Variants in BZW2 observed in about 807,000 individuals in gnomAD.
BZW2 encodes the protein eIF5-mimic protein 1.
In BZW2, 23 loss-of-function variants were observed where a neutral mutation model predicts 53.2. That is an observed-to-expected ratio of 0.43 (90% CI 0.31 to 0.61). The LOEUF is 0.61. BZW2 is among the 20% of genes least tolerant of loss of function. The pLI, the probability that BZW2 is intolerant of heterozygous loss-of-function variation, is 0.09. For missense variants in BZW2, 409 were observed against 503.1 expected, an observed-to-expected ratio of 0.81 and a Z score of 1.79; for synonymous variants, 227 against 186.4, an observed-to-expected ratio of 1.22 and a Z score of -1.77.
intron 3 of BZW2, among the ~76,000 whole-genome samples, chr7:16,680,634 G>T (rs747769436): frequency 1.3e-5 from 2 of 151,636 alleles, no homozygotes; most frequent in African/African-American, 2.4e-5. Flanking sequence ...GGAAAACCCT[G>T]TATCTACAAA....
At chr7:16,697,819 T>C (rs952388329) in intron 9 of BZW2, among the ~76,000 whole-genome samples, 2 of 152,186 alleles carry the variant, frequency 1.3e-5, no homozygotes, top group African/African-American at 4.8e-5. Context: ...GGCTCTGCCA[T>C]TGAAAAAATG....
intron 1 of BZW2, among the ~76,000 whole-genome samples, chr7:16,646,910 A>G (rs1391112407): frequency 4.6e-5 from 7 of 152,154 alleles, no homozygotes; most frequent in Non-Finnish European, 8.8e-5. Context: ...TTGCTCTGCT[A>G]GAGTTCTCGG....
At chr7:16,678,335 A>G (rs1782830962) in intron 3 of BZW2, among the ~76,000 whole-genome samples, 1 of 151,798 alleles carries the variant, frequency 6.6e-6, no homozygotes, top group Non-Finnish European at 1.5e-5. Flanking sequence ...ATGGGCCACC[A>G]CGCCCGGCCC....
chr7:16,668,810 C>T (rs1052935244), intron 2 of BZW2, among the ~76,000 whole-genome samples: 1 of 152,192 alleles, frequency 6.6e-6, no homozygotes, highest in Non-Finnish European at 1.5e-5. Flanking sequence ...TGGCAGGACA[C>T]ATTATATAAT....
intron 2 of BZW2, among the ~76,000 whole-genome samples, chr7:16,668,110 T>C (rs1024557473): frequency 5.3e-5 from 8 of 152,236 alleles, no homozygotes; most frequent in Admixed American, 5.2e-4. Context: ...CACAGAAACG[T>C]TGGCTATTGC....
chr7:16,651,554 G>C (rs1361961446), intron 1 of BZW2, among the ~76,000 whole-genome samples: 1 of 152,230 alleles, frequency 6.6e-6, no homozygotes, highest in African/African-American at 2.4e-5. Context: ...AGAACCCCTA[G>C]TTGTCGGTGC....
intron 2 of BZW2, among the ~76,000 whole-genome samples, chr7:16,670,845 T>C (rs1157350555): frequency 1.3e-5 from 2 of 152,230 alleles, no homozygotes; most frequent in Non-Finnish European, 1.5e-5. Context: ...AAAAGGACTT[T>C]TTATCTCTTG....
intron 1 of BZW2, among the ~76,000 whole-genome samples, chr7:16,658,134 C>T (rs1400257622): frequency 6.6e-6 from 1 of 152,088 alleles, no homozygotes; most frequent in African/African-American, 2.4e-5. Flanking sequence ...GATAACCCAT[C>T]TGGGGAAAGT....
chr7:16,676,760 G>A (rs1048132783), intron 3 of BZW2, among the ~76,000 whole-genome samples: 4 of 152,072 alleles, frequency 2.6e-5, no homozygotes, highest in Non-Finnish European at 5.9e-5. Context: ...GCGAGTTTTG[G>A]TTCTTGCCAA....
At chr7:16,668,439 G>A (rs1252912187) in intron 2 of BZW2, among the ~76,000 whole-genome samples, 2 of 152,222 alleles carry the variant, frequency 1.3e-5, no homozygotes, top group Non-Finnish European at 2.9e-5. Flanking sequence ...CATATCTCTT[G>A]GGGATTGAAG....
At chr7:16,697,377 A>T (rs35618693) in intron 9 of BZW2, among the ~76,000 whole-genome samples, 14,079 of 152,246 alleles carry the variant, frequency 0.092, 887 homozygotes, top group Middle Eastern at 0.23. Flanking sequence ...GGCATGAGCC[A>T]CCACGCCGGG....
At chr7:16,694,560 G>A (rs897214010) in intron 7 of BZW2, among the ~76,000 whole-genome samples, 1 of 152,108 alleles carries the variant, frequency 6.6e-6, no homozygotes, top group Non-Finnish European at 1.5e-5. Context: ...TTATAATCCA[G>A]TAACTCTTTA....
In BZW2 at chr7:16,646,306, T is replaced by A; in HGVS notation, c.-8+18T>A. On this transcript the variant is annotated intron_variant, in intron 1 of 11. Coordinates refer to ENST00000258761, the MANE Select transcript of BZW2 (RefSeq NM_014038.3). ...TCGGACAGGTGAGAAGCAGCCCAGGTGAGGCAAGGGGCGCCGTGAGGGTTG... is the reference window on the plus strand; with the variant it reads ...TCGGACAGGTGAGAAGCAGCCCAGGAGAGGCAAGGGGCGCCGTGAGGGTTG... 1 of 203,590 alleles carries A rather than the reference T, an allele frequency of 4.9e-6. No homozygotes were observed. Among genetic ancestry groups the A allele is most frequent in the Non-Finnish European group, 1.1e-5 (1 of 93,818 alleles). 12.6% of individuals were successfully genotyped at this position (203,590 alleles called of 1,614,324 possible). A position where few individuals can be genotyped will look rare whatever the true frequency, so the allele number is the denominator to read the frequency against.
In BZW2 at chr7:16,685,705, T is replaced by C. The variant is rs188079217; in HGVS notation, c.406-200T>C. 1.1e-4 allele frequency among the ~76,000 whole-genome samples: 17 copies of C among 152,256 alleles called. No individual in the cohort carries two copies. The East Asian group carries it at 3.1e-3, about 28-fold the overall frequency. On this transcript the variant is annotated intron_variant, in intron 5 of 11. Transcript: ENST00000258761. ...AAATTAACTGAGAAGAAAGGAACTC[T>C]GCCTGCTCAAGTCACTTTCCACAGC...
chr7:16,705,258 G>A (rs10264651), intron 11 of BZW2, among the ~76,000 whole-genome samples: 2 of 151,406 alleles, frequency 1.3e-5, no homozygotes, highest in South Asian at 4.2e-4. Flanking sequence ...ACTCGGGAGG[G>A]TGAGGCAGGA....
chr7:16,662,734 T>A (rs543373415), intron 1 of BZW2, among the ~76,000 whole-genome samples: 17 of 151,600 alleles, frequency 1.1e-4, no homozygotes, highest in Admixed American at 9.9e-4. Flanking sequence ...CTGGTCAACA[T>A]AGTAACACCC....
At chr7:16,668,942 T>C (rs555231916) in intron 2 of BZW2, among the ~76,000 whole-genome samples, 2 of 152,346 alleles carry the variant, frequency 1.3e-5, no homozygotes, top group African/African-American at 2.4e-5. Context: ...ATTTCTCCCA[T>C]GAGCAATTGG....
At position 16,685,967 on chromosome 7, in the gene BZW2, G is replaced by A; in HGVS notation, c.468G>A (p.Gly156=). 1 of 1,590,464 alleles carries A rather than the reference G, an allele frequency of 6.3e-7. No individual in the cohort carries two copies. Residue 156 remains glycine, a synonymous_variant, in exon 6 of 12, where the codon GGG becomes GGA. Coordinates refer to ENST00000258761, the MANE Select transcript of BZW2 (RefSeq NM_014038.3). ...AGACAAAGTTGGCGATGCTGTCGGG[G>A]ATTCTGCTGGGCAATGGCACCCTGC... The part of the protein sequence containing the change: ...TEQTKLAMLS[G]ILLGNGTLPA...
chr7:16,706,329 A>T lies in BZW2; in HGVS notation c.*241A>T. The T allele has an allele frequency of 2.2e-6, 1 of 452,592 alleles. No individual in the cohort carries two copies. The highest frequency in any genetic ancestry group is 3.9e-6 in the Non-Finnish European group (1 of 254,944). 28.0% of individuals were successfully genotyped at this position (452,592 alleles called of 1,614,324 possible). On this transcript the variant is annotated 3_prime_UTR_variant, in exon 12 of 12. Transcript: ENST00000258761. ...ACTCACTATATGCTAACTTAAAGCC[A>T]TTCAACAAGGAGTCAAGTAGATCTG...
Sources: allele counts gnomAD v4.1 joint callset (sites outside exome capture counted in the v4.1 genomes callset), GRCh38; gene constraint gnomAD v4.1.1; transcripts MANE v1.5; gene names NCBI Gene and HGNC (gene_info 2026-07-23, HGNC 2026-07-21).